Variants in CSMD1 observed in about 807,000 individuals in gnomAD.
CSMD1 encodes the protein CUB and Sushi multiple domains 1.
A neutral mutation model predicts 417.5 loss-of-function variants in CSMD1; 213 were observed. The observed-to-expected ratio is 0.51, with a 90% CI of 0.46 to 0.57. CSMD1 has a LOEUF of 0.57. CSMD1 is among the 20% of genes least tolerant of loss of function. CSMD1 has a pLI of 0.00. For synonymous variants in CSMD1, 2,862 were observed against 1,736.8 expected (o/e 1.65, Z -16.11); for missense variants, 6,923 against 4,529.7 (o/e 1.53, Z -15.17).
At chr8:3,392,764 G>A (rs1005092781) in intron 17 of CSMD1, among the ~76,000 whole-genome samples, 2 of 152,128 alleles carry the variant, frequency 1.3e-5, no homozygotes, top group African/African-American at 2.4e-5. Context: ...GCACTATGAT[G>A]TTTGAAGAAA....
chr8:4,773,580 C>T (rs1183908661), intron 1 of CSMD1, among the ~76,000 whole-genome samples: 3 of 152,112 alleles, frequency 2.0e-5, no homozygotes, highest in Admixed American at 6.5e-5. Context: ...CCTCCTTTCT[C>T]GTCTATATCA....
At chr8:4,921,307 G>T (rs541178815) in intron 1 of CSMD1, among the ~76,000 whole-genome samples, 1 of 151,962 alleles carries the variant, frequency 6.6e-6, no homozygotes, top group Non-Finnish European at 1.5e-5. Flanking sequence ...TTCACATTTA[G>T]GATATACTCA....
intron 25 of CSMD1, among the ~76,000 whole-genome samples, chr8:3,300,166 A>G (rs996009088): frequency 2.6e-5 from 4 of 152,242 alleles, no homozygotes; most frequent in Non-Finnish European, 4.4e-5. Flanking sequence ...ATTTGGATGT[A>G]AACATTTGGC....
chr8:3,270,959 G>A (rs1182825384), intron 26 of CSMD1, among the ~76,000 whole-genome samples: 7 of 150,622 alleles, frequency 4.6e-5, no homozygotes, highest in Non-Finnish European at 8.9e-5. Flanking sequence ...GTAAGTTTTA[G>A]GGTACATGTG....
intron 17 of CSMD1, among the ~76,000 whole-genome samples, chr8:3,393,911 C>A (rs186563475): frequency 6.7e-6 from 1 of 149,288 alleles, no homozygotes; most frequent in African/African-American, 2.5e-5. Flanking sequence ...ATGGGTGCAG[C>A]ACACCAACAT....
chr8:3,242,012 GTT>G (rs1242075477), intron 26 of CSMD1, among the ~76,000 whole-genome samples: 1 of 77,316 alleles, frequency 1.3e-5, no homozygotes, highest in African/African-American at 3.9e-5. Flanking sequence ...AGCGTCTCAG[GTT>G]TGCTGCCAAA....
At chr8:3,110,083 AT>A in intron 43 of CSMD1, 74 bp downstream of exon 43, 1 of 1,217,642 alleles carries the variant, frequency 8.2e-7, no homozygotes, top group Non-Finnish European at 1.1e-6. Flanking sequence ...TGCCTTGTAT[AT>A]AAGTGGCATA....
At chr8:3,893,364 A>ATATATATATTAT (rs1807124067) in intron 5 of CSMD1, among the ~76,000 whole-genome samples, 8 of 37,680 alleles carry the variant, frequency 2.1e-4, no homozygotes, top group Middle Eastern at 0.012. Context: ...TATATATATT[A>ATATATATATTAT]TTTTTTTTCT....
intron 3 of CSMD1, among the ~76,000 whole-genome samples, chr8:4,292,427 T>G (rs1797422930): frequency 1.3e-5 from 2 of 152,128 alleles, no homozygotes; most frequent in African/African-American, 2.4e-5. Context: ...TAATTTTTTG[T>G]GTTTTTAATA....
At chr8:4,728,393 A>C (rs1350593271) in intron 1 of CSMD1, among the ~76,000 whole-genome samples, 1 of 151,926 alleles carries the variant, frequency 6.6e-6, no homozygotes, top group Non-Finnish European at 1.5e-5. Context: ...TATTTAGGGG[A>C]GTTTAGTTTG....
intron 5 of CSMD1, among the ~76,000 whole-genome samples, chr8:3,762,452 T>C (rs945176625): frequency 2.0e-5 from 3 of 152,184 alleles, no homozygotes; most frequent in Non-Finnish European, 2.9e-5. Context: ...ATTTTCAAAA[T>C]AGTAATGACT....
At chr8:4,245,847 C>T (rs547523488) in intron 3 of CSMD1, among the ~76,000 whole-genome samples, 23 of 152,242 alleles carry the variant, frequency 1.5e-4, no homozygotes, top group Non-Finnish European at 2.9e-4. Context: ...ATTACATAAT[C>T]ACATAATCTT....
rs62484572 is a variant in CSMD1 at position 4,680,977 on chromosome 8, A to T, written c.86-43419T>A. ...GTGTGTGTGTGTGTGTGTGTGTGTG[A>T]GAGAGAGAGAGAGAGAGAGAGAGAG... On this transcript the variant is annotated intron_variant, in intron 1 of 69. Transcript: ENST00000635120. Among the ~76,000 whole-genome samples the T allele has an allele frequency of 5.0e-3, 620 of 124,396 alleles. 1 individual carries two copies. The highest frequency in any genetic ancestry group is 0.022 in the East Asian group (94 of 4,362). The allele number at this position is 124,396 out of a possible 152,430, so 81.6% of individuals were successfully genotyped here.
intron 5 of CSMD1, among the ~76,000 whole-genome samples, chr8:3,873,984 T>A (rs1021228725): frequency 6.6e-6 from 1 of 152,172 alleles, no homozygotes; most frequent in African/African-American, 2.4e-5. Context: ...GTGACATAGG[T>A]CTGTTTATAC....
At chr8:4,434,112 C>A (rs1397163539) in intron 2 of CSMD1, among the ~76,000 whole-genome samples, 2 of 152,080 alleles carry the variant, frequency 1.3e-5, no homozygotes, top group African/African-American at 4.8e-5. Context: ...TTGAAGTGGG[C>A]AGATCACTTC....
At chr8:3,284,424 T>G in intron 25 of CSMD1, 78 bp from the exon 26 acceptor site, 1 of 1,102,310 alleles carries the variant, frequency 9.1e-7, no homozygotes, top group Non-Finnish European at 1.3e-6. Flanking sequence ...GTAAGCAAGC[T>G]CATTTCGCTT....
chr8:4,540,444 T>G (rs576244381), intron 2 of CSMD1, among the ~76,000 whole-genome samples: 1 of 152,132 alleles, frequency 6.6e-6, no homozygotes, highest in Non-Finnish European at 1.5e-5. Context: ...GGCTCATGCC[T>G]GTAATTCCAG....
At chr8:3,900,147 C>G (rs770482194) in intron 5 of CSMD1, among the ~76,000 whole-genome samples, 3 of 150,660 alleles carry the variant, frequency 2.0e-5, no homozygotes, top group Non-Finnish European at 4.4e-5. Flanking sequence ...GGTGACAGTG[C>G]AGCTAGATGA....
At chr8:4,213,898 G>C (rs1028204122) in intron 3 of CSMD1, among the ~76,000 whole-genome samples, 2 of 152,196 alleles carry the variant, frequency 1.3e-5, no homozygotes, top group South Asian at 4.1e-4. Context: ...AGATACTAAT[G>C]AATGAATGGA....
Sources: gnomAD v4.1 joint callset for allele counts (sites outside exome capture counted in the v4.1 genomes callset) on GRCh38, gnomAD v4.1.1 for gene constraint, MANE v1.5 for transcripts, NCBI Gene and HGNC (gene_info 2026-07-23, HGNC 2026-07-21) for gene names.